The following OPRD1 variants were observed in gnomAD, a reference collection of about 807,000 sequenced individuals.
OPRD1 encodes opioid receptor delta 1.
Under a neutral mutation model 17.5 loss-of-function variants are expected in OPRD1, and 19 were observed. The ratio of observed to expected loss-of-function variants is 1.09; its 90% CI spans 0.76 to 1.60. The LOEUF (loss-of-function observed/expected upper bound fraction) is 1.60, where lower values mean the gene tolerates loss of function less well. OPRD1 is among the 40% of genes most tolerant of loss of function. The probability of loss-of-function intolerance (pLI) is 0.00; values close to 1 mark genes in which losing one functional copy is unlikely to be tolerated. For missense variants in OPRD1, 483 were observed against 547.2 expected (o/e 0.88, Z 1.17); for synonymous variants, 256 against 240.9 (o/e 1.06, Z -0.58).
At chr1:28,813,149 G>C (rs531760268) in intron 1 of OPRD1, among the ~76,000 whole-genome samples, 2 of 152,180 alleles carry the variant, frequency 1.3e-5, no homozygotes, top group African/African-American at 4.8e-5. Flanking sequence ...TGTCCCTAAC[G>C]GTCAGTTTGT....
chr1:28,846,111 C>T (rs989998515), intron 1 of OPRD1, among the ~76,000 whole-genome samples: 1 of 152,192 alleles, frequency 6.6e-6, no homozygotes, highest in Non-Finnish European at 1.5e-5. Flanking sequence ...ACTACACTGT[C>T]GTCACATGTG....
At chr1:28,822,239 G>A (rs913226171) in intron 1 of OPRD1, among the ~76,000 whole-genome samples, 15 of 151,968 alleles carry the variant, frequency 9.9e-5, no homozygotes, top group African/African-American at 3.4e-4. Context: ...GTGAGCCACC[G>A]CGCCCTGCTA....
At chr1:28,844,529 G>A (rs2088923396) in intron 1 of OPRD1, among the ~76,000 whole-genome samples, 1 of 152,064 alleles carries the variant, frequency 6.6e-6, no homozygotes, top group South Asian at 2.1e-4. Context: ...GGACTCAAGC[G>A]ATCCACCCAC....
intron 1 of OPRD1, among the ~76,000 whole-genome samples, chr1:28,826,969 ATCT>A (rs1284459338): frequency 2.0e-5 from 3 of 152,184 alleles, no homozygotes; most frequent in Admixed American, 2.0e-4. Flanking sequence ...AAGTTCACAG[ATCT>A]TCTTCACCAG....
rs887362542 is a variant in OPRD1 at position 28,863,032 on chromosome 1, G to C, written c.868G>C (p.Asp290His). The C allele has an allele frequency of 6.2e-7, 1 of 1,605,968 alleles. No individual in the cohort carries two copies. Among genetic ancestry groups the C allele is most frequent in the African/African-American group, 1.3e-5 (1 of 74,752 alleles). Residue 290 changes from aspartate to histidine, a missense_variant, in exon 3 of 3, where the codon GAC becomes CAC. Physicochemically the swap from Asp to His is moderately conservative, Grantham distance 81 (BLOSUM62 -1). Coordinates refer to ENST00000234961, the MANE Select transcript of OPRD1 (RefSeq NM_000911.4). The part of the protein sequence containing the change: ...FVIVWTLVDI[D>H]RRDPLVVAAL... Reference sequence around the variant, plus strand: ...CATCGTCTGGACGCTGGTGGACATCGACCGGCGCGACCCGCTGGTGGTGGC... The same window carrying C: ...CATCGTCTGGACGCTGGTGGACATCCACCGGCGCGACCCGCTGGTGGTGGC...
chr1:28,856,143 G>C (rs555836500), intron 1 of OPRD1, among the ~76,000 whole-genome samples: 1 of 152,330 alleles, frequency 6.6e-6, no homozygotes, highest in South Asian at 2.1e-4. Flanking sequence ...TGGAAAGAGG[G>C]AGCGTGGGAG....
chr1:28,812,489 G>A lies in OPRD1; in HGVS notation c.106G>A (p.Gly36Arg). Residue 36 changes from glycine to arginine, a missense_variant, in exon 1 of 3, where the codon GGG becomes AGG. By Grantham distance (125) the Gly-to-Arg change is moderately radical. Coordinates refer to ENST00000234961, the MANE Select transcript of OPRD1 (RefSeq NM_000911.4). ...ACPSAGANAS[G>R]PPGARSASSL... ...CCCCAGCGCTGGCGCCAATGCGTCG[G>A]GGCCGCCAGGCGCGCGGAGCGCCTC... is the stretch of plus-strand genomic sequence containing the variant. 1 of 1,553,918 alleles carries A rather than the reference G, an allele frequency of 6.4e-7. No homozygotes were observed.
intron 1 of OPRD1, among the ~76,000 whole-genome samples, chr1:28,842,697 C>T (rs1385193679): frequency 1.3e-5 from 2 of 152,150 alleles, no homozygotes; most frequent in Non-Finnish European, 2.9e-5. Context: ...AGGTATCTCA[C>T]GGTCAACAGA....
At chr1:28,858,280 T>A (rs1380339083) in intron 1 of OPRD1, among the ~76,000 whole-genome samples, 1 of 147,016 alleles carries the variant, frequency 6.8e-6, no homozygotes, top group Non-Finnish European at 1.5e-5. Context: ...CGCCCGGCTA[T>A]TTTTTTTGTA....
At chr1:28,842,998 C>T (rs556803706) in intron 1 of OPRD1, among the ~76,000 whole-genome samples, 11 of 151,810 alleles carry the variant, frequency 7.2e-5, no homozygotes, top group African/African-American at 2.7e-4. Context: ...AAGAAAAATA[C>T]CAGGTCAGGG....
At chr1:28,855,196 G>A (rs1003770605) in intron 1 of OPRD1, among the ~76,000 whole-genome samples, 2 of 152,266 alleles carry the variant, frequency 1.3e-5, no homozygotes, top group East Asian at 1.9e-4. Flanking sequence ...CCTCCCTGAG[G>A]AGGTGACATT....
rs2088639414 is a variant in OPRD1 at position 28,812,472 on chromosome 1, C to A, written c.89C>A (p.Ala30Asp). ...GCCTACCCTAGCGCCTGCCCCAGCG[C>A]TGGCGCCAATGCGTCGGGGCCGCCA... ...SDAYPSACPSAGANASGPPGA... is the reference protein window; with the variant it reads ...SDAYPSACPSDGANASGPPGA... The change falls in exon 1 of 3, where the codon GCT becomes GAT. Residue 30 changes from alanine to aspartate, a missense_variant. Ala to Asp is a moderately radical substitution (Grantham distance 126, BLOSUM62 -2). Transcript: ENST00000234961. 1 of 1,536,092 alleles carries A rather than the reference C, an allele frequency of 6.5e-7. No individual in the cohort carries two copies. Among genetic ancestry groups the A allele is most frequent in the Non-Finnish European group, 8.7e-7 (1 of 1,149,236 alleles).
chr1:28,828,498 A>G (rs773575691), intron 1 of OPRD1, among the ~76,000 whole-genome samples: 109 of 152,094 alleles, frequency 7.2e-4, no homozygotes, highest in Non-Finnish European at 1.2e-3. Context: ...ATCGGCTTCA[A>G]TTTAAAGTCA....
At chr1:28,822,949 A>G (rs2088728624) in intron 1 of OPRD1, among the ~76,000 whole-genome samples, 1 of 152,158 alleles carries the variant, frequency 6.6e-6, no homozygotes, top group South Asian at 2.1e-4. Context: ...ACGGAATGTC[A>G]TAACATGCAC....
At chr1:28,825,320 T>C (rs1318809109) in intron 1 of OPRD1, among the ~76,000 whole-genome samples, 2 of 152,136 alleles carry the variant, frequency 1.3e-5, no homozygotes, top group Non-Finnish European at 2.9e-5. Context: ...CTTTGCACAA[T>C]TGGGATTTTC....
At chr1:28,823,224 C>T (rs1385668766) in intron 1 of OPRD1, among the ~76,000 whole-genome samples, 6 of 130,694 alleles carry the variant, frequency 4.6e-5, no homozygotes, top group African/African-American at 1.8e-4. Flanking sequence ...TGACATGGAG[C>T]CTCACTTTAT....
intron 1 of OPRD1, among the ~76,000 whole-genome samples, chr1:28,856,012 C>T (rs1340217708): frequency 2.0e-5 from 3 of 152,194 alleles, no homozygotes; most frequent in Non-Finnish European, 2.9e-5. Flanking sequence ...TTAGCTGATG[C>T]GAGTTTATTC....
At chr1:28,846,842 TTTCTTTTC>T (rs1171981095) in intron 1 of OPRD1, among the ~76,000 whole-genome samples, 142 of 70,660 alleles carry the variant, frequency 2.0e-3, no homozygotes, top group African/African-American at 7.9e-3. Flanking sequence ...TCTTTCTTTC[TTTCTTTTC>T]TTTCTTTCTT....
intron 1 of OPRD1, among the ~76,000 whole-genome samples, chr1:28,827,472 G>T (rs545895863): frequency 3.3e-5 from 5 of 151,132 alleles, no homozygotes; most frequent in Admixed American, 1.3e-4. Flanking sequence ...TGGTAGTACA[G>T]GCGCATGCCA....
Sources: allele counts gnomAD v4.1 joint callset (sites outside exome capture counted in the v4.1 genomes callset), GRCh38; gene constraint gnomAD v4.1.1; transcripts MANE v1.5; gene names NCBI Gene and HGNC (gene_info 2026-07-23, HGNC 2026-07-21).